The following ABI3BP variants were observed in gnomAD, a reference collection of about 807,000 sequenced individuals.
The protein encoded by ABI3BP is target of Nesh-SH3.
In ABI3BP, 216 loss-of-function variants were observed where a neutral mutation model predicts 268.6. The observed-to-expected ratio is 0.80, with a 90% CI of 0.72 to 0.90. The LOEUF is 0.90. Among genes scored for constraint, ABI3BP ranks in the 40% least tolerant of loss-of-function variants. The pLI is 0.00. For synonymous variants in ABI3BP, 730 were observed against 730.0 expected, an observed-to-expected ratio of 1.00 and a Z score of 0.00; for missense variants, 2,090 against 2,182.4, an observed-to-expected ratio of 0.96 and a Z score of 0.84.
intron 39 of ABI3BP, 56 bp from the exon 40 acceptor site, chr3:100,820,359 A>G: frequency 7.5e-7 from 1 of 1,334,426 alleles, no homozygotes; most frequent in South Asian, 1.3e-5. Context: ...AGCTATGAGT[A>G]GCATGACATA....
intron 61 of ABI3BP, among the ~76,000 whole-genome samples, chr3:100,773,528 A>G (rs190876237): frequency 6.6e-5 from 10 of 152,360 alleles, no homozygotes; most frequent in Admixed American, 5.2e-4. Context: ...CAGTACAACT[A>G]CTTTGGAAAA....
intron 1 of ABI3BP, among the ~76,000 whole-genome samples, chr3:100,982,013 T>C (rs1430887131): frequency 6.6e-6 from 1 of 152,198 alleles, no homozygotes; most frequent in Non-Finnish European, 1.5e-5. Flanking sequence ...CACTTCTGCA[T>C]GGCTGGGGAG....
At chr3:100,780,333 G>A in intron 57 of ABI3BP, 124 bp from the exon 58 acceptor site, 1 of 807,970 alleles carries the variant, frequency 1.2e-6, no homozygotes, top group East Asian at 2.9e-5. Context: ...TTTATGCCAA[G>A]ACATTTTACG....
Position 100,851,943 on chromosome 3 carries a change from T to TC in ABI3BP, c.1286-4_1286-3insG. 1 of 1,391,366 alleles carries TC rather than the reference T, an allele frequency of 7.2e-7. No individual in the cohort carries two copies. The allele number at this position is 1,391,366 out of a possible 1,614,324, so 86.2% of individuals were successfully genotyped here. ...GCTTGAGAAAACATCATAAGTTGCT[T>TC]AAAAAAAAAAAAAAGGCAAAACAAG... On this transcript the variant is annotated splice_polypyrimidine_tract_variant and splice_region_variant and intron_variant, in intron 14 of 67. Coordinates refer to ENST00000471714, the MANE Select transcript of ABI3BP (RefSeq NM_001375547.2).
rs202133842 is a variant in ABI3BP at position 100,866,866 on chromosome 3, G to C, written c.988+13C>G. ...TTCTTTTCTCAAGGTCAACAACATA[G>C]CGATCTCATTACCTGTTGTGGGTCG... On this transcript the variant is annotated intron_variant, in intron 10 of 67. Coordinates refer to ENST00000471714, the MANE Select transcript of ABI3BP (RefSeq NM_001375547.2). 100 of 1,609,960 alleles carry C rather than the reference G, an allele frequency of 6.2e-5. No homozygotes were observed. The highest frequency in any genetic ancestry group is 1.7e-4 in the Admixed American group (10 of 59,768).
At chr3:100,839,724 G>T in intron 23 of ABI3BP, 108 bp from the exon 24 acceptor site, 1 of 1,221,186 alleles carries the variant, frequency 8.2e-7, no homozygotes. Flanking sequence ...CATTTTTTCT[G>T]AATGTGATTT....
chr3:100,934,651 C>G (rs1252620634), intron 1 of ABI3BP, among the ~76,000 whole-genome samples: 1 of 152,096 alleles, frequency 6.6e-6, no homozygotes, highest in Non-Finnish European at 1.5e-5. Flanking sequence ...TCTGTTGTTT[C>G]CTGACTTTTT....
At chr3:100,934,501 A>G (rs2065132811) in intron 1 of ABI3BP, among the ~76,000 whole-genome samples, 1 of 152,134 alleles carries the variant, frequency 6.6e-6, no homozygotes. Context: ...TATACCCAGT[A>G]ATGGGATTGC....
intron 34 of ABI3BP, among the ~76,000 whole-genome samples, chr3:100,828,152 C>T (rs550013654): frequency 2.0e-5 from 3 of 152,222 alleles, no homozygotes; most frequent in African/African-American, 7.2e-5. Context: ...TGTCAAATCT[C>T]CCTTAATAGA....
chr3:100,924,634 CT>C (rs2061296028), intron 2 of ABI3BP, among the ~76,000 whole-genome samples: 1 of 152,094 alleles, frequency 6.6e-6, no homozygotes, highest in South Asian at 2.1e-4. Flanking sequence ...TAATAAAAAA[CT>C]TTAAAGAATG....
chr3:100,965,073 T>C (rs1475739400), intron 1 of ABI3BP, among the ~76,000 whole-genome samples: 3 of 152,238 alleles, frequency 2.0e-5, no homozygotes, highest in Admixed American at 2.0e-4. Context: ...GAGATAACTT[T>C]GGAGTGGAGC....
intron 67 of ABI3BP, 64 bp downstream of exon 67, chr3:100,751,488 G>A (rs2095324559): frequency 3.5e-6 from 5 of 1,430,232 alleles, no homozygotes; most frequent in Non-Finnish European, 4.6e-6. Context: ...GCTTTCCTCA[G>A]CTTGATTTCT....
chr3:100,830,995 AC>A (rs2098482642), intron 31 of ABI3BP, among the ~76,000 whole-genome samples: 1 of 152,188 alleles, frequency 6.6e-6, no homozygotes, highest in Non-Finnish European at 1.5e-5. Flanking sequence ...AAGCCAAAAA[AC>A]CAAAGAGCAC....
At position 100,771,622 on chromosome 3, in the gene ABI3BP, C is replaced by T. The variant is rs149219940; in HGVS notation, c.4532-670G>A. Among the ~76,000 whole-genome samples, 518 of 152,100 alleles carry T rather than the reference C, an allele frequency of 3.4e-3. 5 individuals are homozygous for T. Among genetic ancestry groups the T allele is most frequent in the Non-Finnish European group, 5.0e-3 (338 of 67,948 alleles). Reference sequence around the variant, plus strand: ...ATTTCTAGAGATGAAAGCTATAAGACAGAAGATGCACTGGTTAGAATTAAT... The same window carrying T: ...ATTTCTAGAGATGAAAGCTATAAGATAGAAGATGCACTGGTTAGAATTAAT... On this transcript the variant is annotated intron_variant, in intron 61 of 67. Transcript: ENST00000471714.
intron 22 of ABI3BP, among the ~76,000 whole-genome samples, chr3:100,840,494 A>G (rs1177350871): frequency 6.6e-6 from 1 of 152,214 alleles, no homozygotes; most frequent in East Asian, 1.9e-4. Context: ...TTGCTTTTAT[A>G]AAGCCATTTG....
At chr3:100,756,836 T>C (rs1268068899) in intron 63 of ABI3BP, among the ~76,000 whole-genome samples, 1 of 151,932 alleles carries the variant, frequency 6.6e-6, no homozygotes, top group African/African-American at 2.4e-5. Context: ...AAGAAATTAT[T>C]TTGCACTAAA....
chr3:100,771,008 G>T (rs2096529664), intron 61 of ABI3BP, 56 bp from the exon 62 acceptor site: 2 of 1,345,780 alleles, frequency 1.5e-6, no homozygotes, highest in African/African-American at 3.0e-5. Context: ...GAAGAAGATA[G>T]AAGTGAGCTC....
intron 67 of ABI3BP, among the ~76,000 whole-genome samples, 192 bp downstream of exon 67, chr3:100,751,355 TTTATA>T (rs2095315597): frequency 6.6e-6 from 1 of 152,136 alleles, no homozygotes; most frequent in African/African-American, 2.4e-5. Context: ...GTAGAATGCA[TTTATA>T]TTATGTCTGT....
intron 1 of ABI3BP, among the ~76,000 whole-genome samples, chr3:100,962,558 T>G (rs972299441): frequency 1.3e-5 from 2 of 152,216 alleles, no homozygotes; most frequent in Non-Finnish European, 2.9e-5. Flanking sequence ...CAGTCCACTA[T>G]GAAATAGCTT....
Sources: gnomAD v4.1 joint callset for allele counts (sites outside exome capture counted in the v4.1 genomes callset) on GRCh38, gnomAD v4.1.1 for gene constraint, MANE v1.5 for transcripts, NCBI Gene and HGNC (gene_info 2026-07-23, HGNC 2026-07-21) for gene names.